MRTFB: variants seen among roughly 807,000 people sequenced by gnomAD.
MRTFB encodes the protein myocardin related transcription factor B.
MRTFB carries 29 observed loss-of-function variants against 104.2 expected under a neutral mutation model. The observed-to-expected ratio is 0.28, with a 90% CI of 0.21 to 0.38. MRTFB has a LOEUF of 0.38. Ranked by LOEUF, MRTFB falls within the 10% of genes least tolerant of loss-of-function variation. MRTFB has a pLI of 1.00. For synonymous variants in MRTFB, 535 were observed against 519.5 expected (o/e 1.03, Z -0.41); for missense variants, 1,270 against 1,341.6 (o/e 0.95, Z 0.83).
intron 13 of MRTFB, 105 bp from the exon 14 acceptor site, chr16:14,251,757 C>A: frequency 1.6e-6 from 2 of 1,231,876 alleles, no homozygotes; most frequent in East Asian, 2.3e-5. Flanking sequence ...CTCTGCAGCC[C>A]TTTACAGAAA....
chr16:14,135,568 C>T (rs894297757), intron 2 of MRTFB, among the ~76,000 whole-genome samples: 1 of 152,206 alleles, frequency 6.6e-6, no homozygotes, highest in Non-Finnish European at 1.5e-5. Flanking sequence ...ACGAAATCAT[C>T]TAACAAAGCA....
the MRTFB span, among the ~76,000 whole-genome samples, chr16:14,038,156 C>A: frequency 3.3e-5 from 5 of 152,240 alleles, no homozygotes; most frequent in Admixed American, 1.3e-4. Context: ...GGCCTCTGTC[C>A]TTGGTAGTAG....
intron 2 of MRTFB, among the ~76,000 whole-genome samples, chr16:14,081,492 C>G (rs574039521): frequency 3.9e-5 from 6 of 152,110 alleles, no homozygotes; most frequent in African/African-American, 7.2e-5. Context: ...GGGGTTTCAC[C>G]GTGTTGGCCA....
At chr16:14,186,841 G>C in intron 3 of MRTFB, 1 of 1,593,264 alleles carries the variant, frequency 6.3e-7, no homozygotes, top group Non-Finnish European at 8.5e-7. Flanking sequence ...AGTGTTCTGC[G>C]CACCGCACTT....
intron 2 of MRTFB, among the ~76,000 whole-genome samples, chr16:14,105,283 C>T (rs955544253): frequency 1.3e-5 from 2 of 152,054 alleles, no homozygotes; most frequent in Non-Finnish European, 2.9e-5. Flanking sequence ...TGTCTCTTTC[C>T]TAAATTGTTG....
Position 14,155,282 on chromosome 16 carries a change from A to G in MRTFB, c.154+14522A>G, listed in dbSNP as rs147969327. On this transcript the variant is annotated intron_variant, in intron 3 of 16. Transcript: ENST00000571589. ...TAATCCCACCCAATAAAAGTTTATT[A>G]TTTTCCTTTTACCTTTAGAAGTTTT... Among the ~76,000 whole-genome samples the G allele has an allele frequency of 4.4e-3, 658 of 150,972 alleles. 3 individuals are homozygous for G. The highest frequency in any genetic ancestry group is 0.024 in the Middle Eastern group (7 of 294).
chr16:14,200,367 A>G, intron 3 of MRTFB: 1 of 1,608,042 alleles, frequency 6.2e-7, no homozygotes, highest in Non-Finnish European at 8.5e-7. Context: ...ATGTTGCAGC[A>G]GGATAGTAAT....
chr16:14,127,358 A>C (rs918184519), intron 2 of MRTFB, among the ~76,000 whole-genome samples: 1 of 152,144 alleles, frequency 6.6e-6, no homozygotes, highest in Non-Finnish European at 1.5e-5. Context: ...CACACATTCA[A>C]AGATAACAAG....
At chr16:14,031,703 A>G in the MRTFB span, among the ~76,000 whole-genome samples, 46 of 152,264 alleles carry the variant, frequency 3.0e-4, no homozygotes, top group East Asian at 6.6e-3. Context: ...ATGTGTGACA[A>G]TATTTGTGTT....
the MRTFB span, among the ~76,000 whole-genome samples, chr16:13,997,475 C>A: frequency 6.6e-6 from 1 of 152,146 alleles, no homozygotes; most frequent in Non-Finnish European, 1.5e-5. Flanking sequence ...TTGCCCTGCC[C>A]TGAAAAAGTT....
intron 5 of MRTFB, among the ~76,000 whole-genome samples, chr16:14,213,236 T>G (rs1018546967): frequency 9.9e-5 from 15 of 152,208 alleles, no homozygotes; most frequent in Non-Finnish European, 1.9e-4. Context: ...AGTTTAGATA[T>G]TTAAGTGATT....
At position 14,245,629 on chromosome 16, in the gene MRTFB, G is replaced by T. The variant is rs1334214440; in HGVS notation, c.1181G>T (p.Gly394Val). The T allele has an allele frequency of 6.2e-7, 1 of 1,613,896 alleles. No homozygotes were observed. The highest frequency in any genetic ancestry group is 8.5e-7 in the Non-Finnish European group (1 of 1,179,968). ...QNTSTPVRKP[G>V]PLPSSLDDLK... is the part of the protein sequence containing the mutation. ...ACATCTACTCCTGTGAGAAAGCCAG[G>T]ACCTCTGCCTTCTAGCCTGGATGAC... The change falls in exon 11 of 17, where the codon GGA (glycine) becomes GTA (valine). Residue 394 changes from glycine to valine, a missense_variant. This residue lies in a region of MRTFB where 1,144 missense variants were observed against 1,131.5 expected (regional missense o/e 1.01). Transcript: ENST00000571589.
At chr16:14,056,122 G>A in the MRTFB span, among the ~76,000 whole-genome samples, 1 of 152,012 alleles carries the variant, frequency 6.6e-6, no homozygotes, top group South Asian at 2.1e-4. Flanking sequence ...GGGATTACAG[G>A]TGTGCACCAC....
the MRTFB span, among the ~76,000 whole-genome samples, chr16:14,058,908 C>G: frequency 6.6e-6 from 1 of 151,706 alleles, no homozygotes; most frequent in African/African-American, 2.4e-5. Context: ...GTAGTAGAGA[C>G]AGGGTTTTGC....
At chr16:14,106,698 G>T (rs1266016679) in intron 2 of MRTFB, among the ~76,000 whole-genome samples, 1 of 152,202 alleles carries the variant, frequency 6.6e-6, no homozygotes, top group Non-Finnish European at 1.5e-5. Context: ...TTTTGTAAGA[G>T]TGAGGGTATC....
At chr16:14,153,802 T>C (rs540358249) in intron 3 of MRTFB, among the ~76,000 whole-genome samples, 96 of 152,314 alleles carry the variant, frequency 6.3e-4, no homozygotes, top group South Asian at 1.0e-3. Context: ...AAATGTCAAT[T>C]AGGTTCAGTT....
chr16:14,165,282 T>C (rs750615720), intron 3 of MRTFB, among the ~76,000 whole-genome samples: 2 of 152,174 alleles, frequency 1.3e-5, no homozygotes, highest in African/African-American at 2.4e-5. Context: ...TCCTTTTTCA[T>C]GTTTGCTGCC....
At chr16:14,097,564 G>A (rs1471877024) in intron 2 of MRTFB, among the ~76,000 whole-genome samples, 5 of 152,182 alleles carry the variant, frequency 3.3e-5, no homozygotes, top group African/African-American at 2.4e-5. Flanking sequence ...TGTTCTTTTT[G>A]TAAACAGCTT....
At chr16:14,031,667 T>C in the MRTFB span, among the ~76,000 whole-genome samples, 1 of 152,288 alleles carries the variant, frequency 6.6e-6, no homozygotes, top group East Asian at 1.9e-4. Flanking sequence ...TGTGCTTTCC[T>C]AAGTGATAGG....
Sources: allele counts gnomAD v4.1 joint callset (sites outside exome capture counted in the v4.1 genomes callset), GRCh38; gene constraint gnomAD v4.1.1; regional missense constraint gnomAD v4.1.1; transcripts MANE v1.5; gene names NCBI Gene and HGNC (gene_info 2026-07-23, HGNC 2026-07-21).